SLC22A15: variants seen among roughly 807,000 people sequenced by gnomAD.
SLC22A15 encodes solute carrier family 22 member 15, also known as flipt 1.
SLC22A15 carries 45 observed loss-of-function variants against 62.7 expected under a neutral mutation model. The ratio of observed to expected loss-of-function variants is 0.72; its 90% CI spans 0.56 to 0.92. The LOEUF is 0.92. SLC22A15 is among the 40% of genes least tolerant of loss of function. SLC22A15 has a pLI of 0.00. For missense variants in SLC22A15, 622 were observed against 665.6 expected, an observed-to-expected ratio of 0.93 and a Z score of 0.72; for synonymous variants, 264 against 267.0, an observed-to-expected ratio of 0.99 and a Z score of 0.11.
chr1:116,033,008 C>A (rs917317455), intron 6 of SLC22A15, among the ~76,000 whole-genome samples: 3 of 152,126 alleles, frequency 2.0e-5, no homozygotes, highest in Non-Finnish European at 1.5e-5. Flanking sequence ...GGAAACTGTC[C>A]CTGTTCATTT....
intron 2 of SLC22A15, among the ~76,000 whole-genome samples, chr1:116,018,815 A>G (rs867099185): frequency 2.6e-5 from 4 of 152,228 alleles, no homozygotes; most frequent in Admixed American, 6.5e-5. Flanking sequence ...ATTGTTAGCT[A>G]TAGTCATCCT....
chr1:115,992,624 CT>C (rs11378927), intron 2 of SLC22A15, among the ~76,000 whole-genome samples: 76 of 137,476 alleles, frequency 5.5e-4, no homozygotes, highest in African/African-American at 8.2e-4. Context: ...TTTTTCTTTT[CT>C]TTTTTTTTTT....
chr1:116,062,690 A>G (rs1658411520), intron 8 of SLC22A15, 72 bp from the exon 9 acceptor site: 1 of 1,583,896 alleles, frequency 6.3e-7, no homozygotes, highest in African/African-American at 1.3e-5. Context: ...CTGCTCCATC[A>G]AAATGAAATG....
rs764814243 is a variant in SLC22A15 at position 116,031,526 on chromosome 1, G to T, written c.889G>T (p.Asp297Tyr). ...RSCRETGSFL[D>Y]LFRYRVLLGH... ...CTGCAGGGAGACTGGAAGTTTCCTG[G>T]ATCTCTTTCGTTACCGGGTCCTGTT... The change falls in exon 6 of 12, where the codon GAT (aspartate) becomes TAT (tyrosine). Residue 297 changes from aspartate to tyrosine, a missense_variant. Asp to Tyr is a radical substitution (Grantham distance 160). Coordinates refer to ENST00000369503, the MANE Select transcript of SLC22A15 (RefSeq NM_018420.3). The T allele has an allele frequency of 3.4e-5, 55 of 1,613,838 alleles. No homozygotes were observed. The highest frequency in any genetic ancestry group is 4.3e-5 in the Non-Finnish European group (51 of 1,179,868).
chr1:116,044,903 A>T (rs1401385730), intron 8 of SLC22A15, among the ~76,000 whole-genome samples: 2 of 152,202 alleles, frequency 1.3e-5, no homozygotes, highest in Admixed American at 6.5e-5. Context: ...AATAATAATA[A>T]ATAAATAGAT....
At chr1:116,030,743 C>T (rs1570751879) in intron 5 of SLC22A15, among the ~76,000 whole-genome samples, 1 of 152,032 alleles carries the variant, frequency 6.6e-6, no homozygotes, top group East Asian at 1.9e-4. Context: ...ATATTAAAGC[C>T]AGTGTGTCAG....
At chr1:116,029,928 T>C (rs944841803) in intron 5 of SLC22A15, among the ~76,000 whole-genome samples, 2 of 152,218 alleles carry the variant, frequency 1.3e-5, no homozygotes, top group African/African-American at 4.8e-5. Context: ...AGTAGTCCTC[T>C]TTCATTTAGA....
At chr1:116,019,837 A>G (rs1320667247) in intron 3 of SLC22A15, 123 bp downstream of exon 3, 1 of 1,099,626 alleles carries the variant, frequency 9.1e-7, no homozygotes, top group African/African-American at 1.6e-5. Context: ...CACAGAACTG[A>G]TCTTTATTAT....
At chr1:116,010,744 T>C (rs965643437) in intron 2 of SLC22A15, among the ~76,000 whole-genome samples, 5 of 152,204 alleles carry the variant, frequency 3.3e-5, no homozygotes, top group Non-Finnish European at 1.5e-5. Flanking sequence ...GACTCTCTGA[T>C]TGCGTAGAGC....
chr1:116,057,467 A>AAGGGG (rs1388046887), intron 8 of SLC22A15, among the ~76,000 whole-genome samples: 8 of 152,238 alleles, frequency 5.3e-5, no homozygotes, highest in Admixed American at 5.2e-4. Context: ...TGGGACTGTA[A>AAGGGG]ACTAGTTCAA....
At chr1:116,037,468 T>G (rs570835059) in intron 8 of SLC22A15, 80 bp downstream of exon 8, 2 of 1,013,910 alleles carry the variant, frequency 2.0e-6, no homozygotes, top group African/African-American at 3.2e-5. Flanking sequence ...GAGATGACCA[T>G]ATGGCATGCT....
intron 1 of SLC22A15, among the ~76,000 whole-genome samples, chr1:115,983,325 A>G (rs2101055783): frequency 6.6e-6 from 1 of 152,348 alleles, no homozygotes; most frequent in Admixed American, 6.5e-5. Context: ...ACGCACATGT[A>G]CTTGCTTCCA....
intron 8 of SLC22A15, among the ~76,000 whole-genome samples, chr1:116,056,317 A>G (rs967858377): frequency 7.1e-6 from 1 of 141,730 alleles, no homozygotes; most frequent in Non-Finnish European, 1.5e-5. Context: ...TTGCTTAAAG[A>G]GAATAAAATA....
At chr1:116,005,930 T>A (rs1165264406) in intron 2 of SLC22A15, among the ~76,000 whole-genome samples, 2 of 152,182 alleles carry the variant, frequency 1.3e-5, no homozygotes, top group Non-Finnish European at 2.9e-5. Context: ...TACTAGTCAA[T>A]AGGCTGCTAT....
Position 116,020,900 on chromosome 1 carries a change from A to G in SLC22A15, c.598+15A>G, listed in dbSNP as rs774909726. On this transcript the variant is annotated intron_variant, in intron 4 of 11. Coordinates refer to ENST00000369503, the MANE Select transcript of SLC22A15 (RefSeq NM_018420.3). ...GGCACTTGCAGGTACTACTTAAATC[A>G]TGCAGCTCTGGACTGGGTGAGCAGC... 3.1e-6 allele frequency: 5 copies of G among 1,609,160 alleles called. No individual in the cohort carries two copies. The African/African-American group carries it at 6.7e-5, about 22-fold the overall frequency.
chr1:115,990,141 AG>A (rs1240390781), intron 1 of SLC22A15, among the ~76,000 whole-genome samples: 1 of 152,256 alleles, frequency 6.6e-6, no homozygotes, highest in Non-Finnish European at 1.5e-5. Flanking sequence ...CAAGCAAGAC[AG>A]TAAGGAAGTC....
At chr1:116,040,873 TG>T (rs1229814273) in intron 8 of SLC22A15, among the ~76,000 whole-genome samples, 1 of 152,230 alleles carries the variant, frequency 6.6e-6, no homozygotes, top group Non-Finnish European at 1.5e-5. Context: ...CCCAAAGTGC[TG>T]GGATTATAGG....
At chr1:116,052,294 G>A (rs1439700248) in intron 8 of SLC22A15, among the ~76,000 whole-genome samples, 1 of 152,220 alleles carries the variant, frequency 6.6e-6, no homozygotes, top group Non-Finnish European at 1.5e-5. Context: ...CTCACTGATT[G>A]CTAGCACAGC....
chr1:116,015,596 A>G (rs1449522303), intron 2 of SLC22A15, among the ~76,000 whole-genome samples: 1 of 152,194 alleles, frequency 6.6e-6, no homozygotes, highest in African/African-American at 2.4e-5. Context: ...TTAATGATTA[A>G]GCACAAAACA....
Sources: allele counts gnomAD v4.1 joint callset (sites outside exome capture counted in the v4.1 genomes callset), GRCh38; gene constraint gnomAD v4.1.1; transcripts MANE v1.5; gene names NCBI Gene and HGNC (gene_info 2026-07-23, HGNC 2026-07-21).